The following NRXN1 variants were observed in gnomAD, a reference collection of about 807,000 sequenced individuals.
NRXN1 encodes neurexin-1.
In NRXN1, 39 loss-of-function variants were observed where a neutral mutation model predicts 150.9. The ratio of observed to expected loss-of-function variants is 0.26; its 90% confidence interval spans 0.20 to 0.34. The LOEUF (loss-of-function observed/expected upper bound fraction) is 0.34. Among genes scored for constraint, NRXN1 ranks in the 10% least tolerant of loss-of-function variants. The probability of loss-of-function intolerance (pLI) is 1.00; values close to 1 mark genes in which losing one functional copy is unlikely to be tolerated. For missense variants in NRXN1, 1,815 were observed against 1,949.9 expected (o/e 0.93, Z 1.30); for synonymous variants, 924 against 757.0 (o/e 1.22, Z -3.62).
At chr2:50,486,709 G>A (rs565898537) in intron 15 of NRXN1, among the ~76,000 whole-genome samples, 3 of 152,142 alleles carry the variant, frequency 2.0e-5, no homozygotes, top group African/African-American at 7.2e-5. Context: ...CCACAGACAG[G>A]TTAGGAATAT....
intron 17 of NRXN1, among the ~76,000 whole-genome samples, chr2:50,373,947 A>T (rs769746940): frequency 6.6e-6 from 1 of 152,068 alleles, no homozygotes; most frequent in African/African-American, 2.4e-5. Context: ...CTTCAAAATG[A>T]TGCAGTTGGA....
At chr2:50,824,715 A>G (rs180836152) in intron 5 of NRXN1, among the ~76,000 whole-genome samples, 5 of 152,248 alleles carry the variant, frequency 3.3e-5, no homozygotes, top group Non-Finnish European at 5.9e-5. Flanking sequence ...GCCCAGAAAA[A>G]AATACCCACT....
intron 21 of NRXN1, among the ~76,000 whole-genome samples, chr2:50,002,487 T>C (rs1435499011): frequency 6.6e-6 from 1 of 152,106 alleles, no homozygotes; most frequent in East Asian, 1.9e-4. Context: ...AATATTAGGA[T>C]GTCAGTGATA....
intron 18 of NRXN1, among the ~76,000 whole-genome samples, chr2:50,200,040 G>C (rs2062048013): frequency 6.6e-6 from 1 of 152,104 alleles, no homozygotes. Context: ...TTACTATGCT[G>C]CTGGATGCAG....
At chr2:50,397,400 CA>C (rs1175344936) in intron 17 of NRXN1, among the ~76,000 whole-genome samples, 1 of 152,024 alleles carries the variant, frequency 6.6e-6, no homozygotes, top group Admixed American at 6.6e-5. Flanking sequence ...CAAAGAATGA[CA>C]AGCAGAACAA....
intron 18 of NRXN1, among the ~76,000 whole-genome samples, chr2:50,217,376 T>G (rs1025418224): frequency 6.6e-6 from 1 of 152,052 alleles, no homozygotes; most frequent in African/African-American, 2.4e-5. Flanking sequence ...TGACCCCATA[T>G]ACCATTGTTA....
chr2:50,429,067 C>T (rs1436294164), intron 17 of NRXN1, among the ~76,000 whole-genome samples: 1 of 152,014 alleles, frequency 6.6e-6, no homozygotes, highest in East Asian at 1.9e-4. Flanking sequence ...TTGCCATACA[C>T]ATTTTTTGGA....
At position 50,615,174 on chromosome 2, in the gene NRXN1, A is replaced by T. The variant is rs968882946; in HGVS notation, c.1320+4848T>A. Among the ~76,000 whole-genome samples, 3 of 152,126 alleles carry T rather than the reference A, an allele frequency of 2.0e-5. No homozygotes were observed. In the East Asian group the frequency reaches 5.8e-4, roughly 29 times the overall value. ...TTAGGTTGATGAAATTTTCAGTGGGACTTCATTCCCCTTAGCATTTCACTC... is the reference window on the plus strand; with the variant it reads ...TTAGGTTGATGAAATTTTCAGTGGGTCTTCATTCCCCTTAGCATTTCACTC... On this transcript the variant is annotated intron_variant, in intron 8 of 22. Coordinates refer to ENST00000401669, the MANE Select transcript of NRXN1 (RefSeq NM_001330078.2).
rs79166147 is a variant in NRXN1 at position 50,430,149 on chromosome 2, A to G, written c.3364+35293T>C. 7.5e-3 allele frequency among the ~76,000 whole-genome samples: 1,141 copies of G among 152,276 alleles called. 37 individuals carry two copies. In the East Asian group the frequency reaches 0.1, roughly 14 times the overall value. ...ATTTTAAATCCTTAACTGTCACTCA[A>G]TTGAACTCTATTTTTGTCATTTTGC... On this transcript the variant is annotated intron_variant, in intron 17 of 22. Coordinates refer to ENST00000401669, the MANE Select transcript of NRXN1 (RefSeq NM_001330078.2).
chr2:50,289,343 G>A (rs2072607633), intron 17 of NRXN1, among the ~76,000 whole-genome samples: 1 of 146,718 alleles, frequency 6.8e-6, no homozygotes, highest in African/African-American at 2.5e-5. Flanking sequence ...GTGTGGATCT[G>A]GGTAGCTGTG....
chr2:50,765,217 G>A (rs905665323), intron 5 of NRXN1, among the ~76,000 whole-genome samples: 30 of 151,914 alleles, frequency 2.0e-4, no homozygotes, highest in Admixed American at 9.9e-4. Flanking sequence ...GTTCTAGTAC[G>A]CTTTACCAGA....
At chr2:50,296,037 A>G (rs577901329) in intron 17 of NRXN1, among the ~76,000 whole-genome samples, 1 of 152,354 alleles carries the variant, frequency 6.6e-6, no homozygotes, top group East Asian at 1.9e-4. Flanking sequence ...CCATTACTCC[A>G]GATGTGCAGA....
intron 18 of NRXN1, among the ~76,000 whole-genome samples, chr2:50,164,716 C>T (rs1273820171): frequency 1.3e-5 from 2 of 152,178 alleles, no homozygotes; most frequent in African/African-American, 4.8e-5. Context: ...CCTTCCCTAA[C>T]ACACTTTCTA....
chr2:50,407,055 T>C (rs777309020), intron 17 of NRXN1, among the ~76,000 whole-genome samples: 1 of 152,174 alleles, frequency 6.6e-6, no homozygotes, highest in Non-Finnish European at 1.5e-5. Flanking sequence ...TACAGACTCA[T>C]GATAAACTTA....
intron 5 of NRXN1, among the ~76,000 whole-genome samples, chr2:50,824,043 A>T (rs929864706): frequency 6.6e-6 from 1 of 152,188 alleles, no homozygotes; most frequent in African/African-American, 2.4e-5. Context: ...GCTTTCTGTC[A>T]TAAAATCTGA....
intron 20 of NRXN1, among the ~76,000 whole-genome samples, chr2:50,054,428 T>C (rs1185826367): frequency 6.6e-6 from 1 of 152,150 alleles, no homozygotes; most frequent in Non-Finnish European, 1.5e-5. Flanking sequence ...CAACTTTAAG[T>C]TCAGTTTTAA....
At chr2:50,553,388 TATG>T (rs1247071952) in intron 8 of NRXN1, among the ~76,000 whole-genome samples, 1 of 152,222 alleles carries the variant, frequency 6.6e-6, no homozygotes, top group Non-Finnish European at 1.5e-5. Flanking sequence ...CATAGTTGTC[TATG>T]ATATTTTTAA....
chr2:50,327,903 C>T (rs552158355), intron 17 of NRXN1, among the ~76,000 whole-genome samples: 1 of 152,282 alleles, frequency 6.6e-6, no homozygotes, highest in East Asian at 1.9e-4. Flanking sequence ...CCCGCCTTGG[C>T]CTCCCAAAAT....
chr2:49,943,424 A>C (rs959063535), intron 22 of NRXN1, among the ~76,000 whole-genome samples: 1 of 152,208 alleles, frequency 6.6e-6, no homozygotes, highest in Non-Finnish European at 1.5e-5. Context: ...TTACACACAA[A>C]AATTATGTTG....
Sources: gnomAD v4.1 joint callset for allele counts (sites outside exome capture counted in the v4.1 genomes callset) on GRCh38, gnomAD v4.1.1 for gene constraint, MANE v1.5 for transcripts, NCBI Gene and HGNC (gene_info 2026-07-23, HGNC 2026-07-21) for gene names.